The following RAP1GAP variants were observed in gnomAD, a reference collection of about 807,000 sequenced individuals.
RAP1GAP encodes RAP1 GTPase activating protein.
RAP1GAP carries 35 observed loss-of-function variants against 87.2 expected under a neutral mutation model. That is an observed-to-expected ratio of 0.40 (90% confidence interval 0.31 to 0.53). The LOEUF (loss-of-function observed/expected upper bound fraction) is 0.53. RAP1GAP is among the 20% of genes least tolerant of loss of function. RAP1GAP has a pLI of 0.48. For synonymous variants in RAP1GAP, 375 were observed against 363.9 expected (o/e 1.03, Z -0.35); for missense variants, 734 against 898.9 (o/e 0.82, Z 2.35).
intron 1 of RAP1GAP, among the ~76,000 whole-genome samples, chr1:21,658,565 AAAAAAC>A (rs927650690): frequency 6.6e-5 from 10 of 151,956 alleles, no homozygotes; most frequent in African/African-American, 1.4e-4. Flanking sequence ...ACTCTGTCTC[AAAAAAC>A]AAAAACAAAA....
rs761344306 is a variant in RAP1GAP at position 21,610,150 on chromosome 1, C to T, written c.969G>A (p.Glu323=). The change falls in exon 14 of 25, where the codon GAG becomes GAA. Residue 323 remains glutamate, a synonymous_variant. Coordinates refer to ENST00000374765, the MANE Select transcript of RAP1GAP (RefSeq NM_002885.4). ...FLHAYVVVQA[E]GGGPDGPLYK... is the part of the protein sequence containing the mutation. ...AGAGGGGGCCATCAGGGCCCCCGCC[C>T]TCAGCCTGCACCACGACGTAGGCAT... is the stretch of plus-strand genomic sequence containing the variant. 6.2e-7 allele frequency: 1 copy of T among 1,614,102 alleles called. No homozygotes were observed. Among genetic ancestry groups the T allele is most frequent in the Non-Finnish European group, 8.5e-7 (1 of 1,180,010 alleles).
chr1:21,655,468 T>A lies in RAP1GAP; in HGVS notation c.-148-5672A>T, dbSNP rs1425705071. Among the ~76,000 whole-genome samples the A allele has an allele frequency of 1.3e-5, 2 of 152,162 alleles. 1 individual carries two copies. Among genetic ancestry groups the A allele is most frequent in the Admixed American group, 1.3e-4 (2 of 15,286 alleles). On this transcript the variant is annotated intron_variant, in intron 1 of 24. Transcript: ENST00000374765. Reference sequence around the variant, plus strand: ...TCCTAGCTGTGTGATGTCAAACACATTAGTAACATCCCATGACACTGGCCT... The same window carrying A: ...TCCTAGCTGTGTGATGTCAAACACAATAGTAACATCCCATGACACTGGCCT...
At chr1:21,641,639 T>C (rs897116973) in intron 2 of RAP1GAP, among the ~76,000 whole-genome samples, 1 of 152,226 alleles carries the variant, frequency 6.6e-6, no homozygotes, top group Admixed American at 6.5e-5. Flanking sequence ...TAAGTATTTG[T>C]TGAATTAACG....
chr1:21,614,951 A>G (rs992887311), intron 7 of RAP1GAP, among the ~76,000 whole-genome samples: 2 of 152,224 alleles, frequency 1.3e-5, no homozygotes, highest in African/African-American at 2.4e-5. Flanking sequence ...GGCCAGGAGC[A>G]GATAGAGGCA....
At position 21,609,507 on chromosome 1, in the gene RAP1GAP, G is replaced by T; in HGVS notation, c.1071+68C>A. ...ACTTTGGGACCTCATAAGGCAGAAT[G>T]TGTATGCACCCCCCAGGCCCCCACC... On this transcript the variant is annotated intron_variant, in intron 15 of 24. Transcript: ENST00000374765. This position sits in a 1 kb window ranked among gnomAD's most constrained non-coding sequence, Gnocchi z 4.4. The T allele has an allele frequency of 2.1e-6, 2 of 933,352 alleles. No individual in the cohort carries two copies. Among genetic ancestry groups the T allele is most frequent in the Non-Finnish European group, 3.1e-6 (2 of 653,272 alleles). The allele number at this position is 933,352 out of a possible 1,614,324, so 57.8% of individuals were successfully genotyped here. A position where few individuals can be genotyped will look rare whatever the true frequency, so the allele number is the denominator to read the frequency against.
chr1:21,669,240 C>T lies in RAP1GAP; in HGVS notation c.-149+14G>A. On this transcript the variant is annotated intron_variant, in intron 1 of 24. Coordinates refer to ENST00000374765, the MANE Select transcript of RAP1GAP (RefSeq NM_002885.4). This position sits in a 1 kb window ranked among gnomAD's most constrained non-coding sequence, Gnocchi z 5.6. ...CCCCTTTCCAGGGCCGCAGCCCTGG[C>T]GGGGCGCACTCACCCAAGGGCCTGG... 8.0e-7 allele frequency: 1 copy of T among 1,251,268 alleles called. No individual in the cohort carries two copies. The highest frequency in any genetic ancestry group is 1.0e-6 in the Non-Finnish European group (1 of 973,022). The allele number at this position is 1,251,268 out of a possible 1,614,324, so 77.5% of individuals were successfully genotyped here. A position where few individuals can be genotyped will look rare whatever the true frequency, so the allele number is the denominator to read the frequency against.
At chr1:21,655,214 T>C (rs1292803398) in intron 1 of RAP1GAP, among the ~76,000 whole-genome samples, 2 of 152,122 alleles carry the variant, frequency 1.3e-5, no homozygotes, top group Non-Finnish European at 2.9e-5. Context: ...CTATATGAAG[T>C]TGCCATTTTT....
Position 21,669,285 on chromosome 1 carries a change from C to A in RAP1GAP, c.-180G>T, listed in dbSNP as rs1483005350. ...GCCTGGGCCGGGGGCGTCCTGGGCT[C>A]GGCACTCTGGTGCCCGCGGCCGCCG... is the stretch of plus-strand genomic sequence containing the variant. On this transcript the variant is annotated 5_prime_UTR_variant, in exon 1 of 25. Transcript: ENST00000374765. This position sits in a 1 kb window ranked among gnomAD's most constrained non-coding sequence, Gnocchi z 5.6. 1 of 1,197,842 alleles carries A rather than the reference C, an allele frequency of 8.3e-7. No homozygotes were observed. Among genetic ancestry groups the A allele is most frequent in the South Asian group, 1.5e-5 (1 of 68,106 alleles). The allele number at this position is 1,197,842 out of a possible 1,614,324, so 74.2% of individuals were successfully genotyped here. A position where few individuals can be genotyped will look rare whatever the true frequency, so the allele number is the denominator to read the frequency against.
intron 2 of RAP1GAP, among the ~76,000 whole-genome samples, chr1:21,630,370 G>C (rs1008270542): frequency 4.6e-5 from 7 of 151,316 alleles, no homozygotes; most frequent in African/African-American, 9.7e-5. Context: ...CTAGGCTCAA[G>C]CCATCCTCCC....
intron 1 of RAP1GAP, among the ~76,000 whole-genome samples, chr1:21,659,601 C>T (rs2097030728): frequency 6.6e-6 from 1 of 152,250 alleles, no homozygotes; most frequent in Non-Finnish European, 1.5e-5. Context: ...GCCGCACCTA[C>T]GCGTTCCGGG....
In RAP1GAP at chr1:21,598,539, T is replaced by C. The variant is rs752087569; in HGVS notation, c.1777-37A>G. 7 of 1,541,508 alleles carry C rather than the reference T, an allele frequency of 4.5e-6. No homozygotes were observed. In the Admixed American group the frequency reaches 6.7e-5, roughly 15 times the overall value. ...GTGGAAAGAGGGAGGGAGGTTAGCC[T>C]ATGCCCTTGGCACTGGCTAGGGCTC... On this transcript the variant is annotated intron_variant, in intron 21 of 24. Transcript: ENST00000374765.
At chr1:21,654,361 C>T (rs567465506) in intron 1 of RAP1GAP, among the ~76,000 whole-genome samples, 93 of 152,314 alleles carry the variant, frequency 6.1e-4, no homozygotes, top group Non-Finnish European at 1.1e-3. Flanking sequence ...GTCACCTGTG[C>T]GACCTTGGTC....
At chr1:21,659,281 C>T (rs2097004363) in intron 1 of RAP1GAP, among the ~76,000 whole-genome samples, 1 of 152,206 alleles carries the variant, frequency 6.6e-6, no homozygotes, top group Non-Finnish European at 1.5e-5. Flanking sequence ...AATTGGCCGT[C>T]ATAAGAACTG....
intron 2 of RAP1GAP, among the ~76,000 whole-genome samples, chr1:21,648,114 T>C (rs918521367): frequency 6.6e-6 from 1 of 152,202 alleles, no homozygotes; most frequent in African/African-American, 2.4e-5. Flanking sequence ...CGGCTCCAGC[T>C]AGGCGAGCAC....
chr1:21,617,883 A>G (rs747971134), intron 6 of RAP1GAP, 51 bp downstream of exon 6: 1 of 1,611,840 alleles, frequency 6.2e-7, no homozygotes, highest in South Asian at 1.1e-5. Flanking sequence ...AGCCCTGTGT[A>G]AGTGCCTCCT....
chr1:21,636,627 A>G (rs2094710068), intron 2 of RAP1GAP, among the ~76,000 whole-genome samples: 1 of 151,942 alleles, frequency 6.6e-6, no homozygotes, highest in African/African-American at 2.4e-5. Flanking sequence ...ACCAACGTGG[A>G]GAAACCCCAT....
At position 21,610,278 on chromosome 1, in the gene RAP1GAP, G is replaced by A. The variant is rs781538003; in HGVS notation, c.844-3C>T. 2.1e-4 allele frequency: 335 copies of A among 1,613,870 alleles called. 1 individual carries two copies. The highest frequency in any genetic ancestry group is 2.6e-4 in the Non-Finnish European group (311 of 1,179,986). On this transcript the variant is annotated splice_region_variant and splice_polypyrimidine_tract_variant and intron_variant, in intron 13 of 24. Transcript: ENST00000374765. ...CCGATGTGCCGCTTCCGCTGCAACT[G>A]AGCACAAAGCCACGGGCCTTCGTGG...
intron 2 of RAP1GAP, among the ~76,000 whole-genome samples, chr1:21,648,293 C>T (rs2096260339): frequency 6.6e-6 from 1 of 152,154 alleles, no homozygotes. Context: ...TTAGGGCTCC[C>T]TGGGGTGGGC....
intron 1 of RAP1GAP, among the ~76,000 whole-genome samples, chr1:21,654,228 T>C (rs922817800): frequency 6.6e-6 from 1 of 152,326 alleles, no homozygotes; most frequent in African/African-American, 2.4e-5. Context: ...GCAAGACCAC[T>C]TCCAAGAATT....
Sources: allele counts gnomAD v4.1 joint callset (sites outside exome capture counted in the v4.1 genomes callset), GRCh38; gene constraint gnomAD v4.1.1; non-coding constraint Gnocchi (gnomAD v3.1); transcripts MANE v1.5; gene names NCBI Gene and HGNC (gene_info 2026-07-23, HGNC 2026-07-21).